The following DLG2 variants were observed in gnomAD, a reference collection of about 807,000 sequenced individuals.
DLG2 encodes the protein discs large MAGUK scaffold protein 2, also known as disks large homolog 2.
Under a neutral mutation model 132.5 loss-of-function variants are expected in DLG2, and 45 were observed. The observed-to-expected ratio is 0.34, with a 90% CI of 0.27 to 0.44. The LOEUF is 0.44. DLG2 is among the 20% of genes least tolerant of loss of function. The pLI is 1.00. For missense variants in DLG2, 1,045 were observed against 1,196.9 expected, an observed-to-expected ratio of 0.87 and a Z score of 1.87; for synonymous variants, 424 against 419.6, an observed-to-expected ratio of 1.01 and a Z score of -0.13.
intron 11 of DLG2, among the ~76,000 whole-genome samples, chr11:84,054,388 G>T (rs1470687317): frequency 2.6e-5 from 4 of 151,832 alleles, no homozygotes; most frequent in Non-Finnish European, 5.9e-5. Flanking sequence ...TTGATTTTTG[G>T]TTGCTTGGCA....
intron 6 of DLG2, among the ~76,000 whole-genome samples, chr11:84,801,526 A>G (rs375754745): frequency 4.5e-4 from 68 of 152,236 alleles, no homozygotes; most frequent in African/African-American, 1.6e-3. Context: ...GCACCACTGC[A>G]CTCCACCCTG....
intron 6 of DLG2, among the ~76,000 whole-genome samples, chr11:84,925,162 T>C (rs1367014500): frequency 6.6e-6 from 1 of 152,168 alleles, no homozygotes; most frequent in Non-Finnish European, 1.5e-5. Context: ...ATTTACCTAT[T>C]TTATTAATAT....
intron 7 of DLG2, among the ~76,000 whole-genome samples, chr11:84,269,763 A>G (rs577261671): frequency 6.0e-4 from 91 of 152,332 alleles, no homozygotes; most frequent in African/African-American, 2.0e-3. Flanking sequence ...CAAGATGAGC[A>G]TAAGAACTGT....
At chr11:84,991,742 A>G (rs1214170557) in intron 6 of DLG2, among the ~76,000 whole-genome samples, 1 of 152,086 alleles carries the variant, frequency 6.6e-6, no homozygotes, top group Non-Finnish European at 1.5e-5. Context: ...ATTGCGAAAA[A>G]CTGGGTGGAG....
chr11:85,465,606 T>C (rs2092762617), intron 3 of DLG2, among the ~76,000 whole-genome samples: 1 of 152,152 alleles, frequency 6.6e-6, no homozygotes, highest in African/African-American at 2.4e-5. Context: ...GTTTCCAGCT[T>C]CATCCATGTC....
chr11:84,637,864 A>G (rs537700054), intron 6 of DLG2, among the ~76,000 whole-genome samples: 5 of 152,292 alleles, frequency 3.3e-5, no homozygotes, highest in Admixed American at 2.6e-4. Flanking sequence ...TTCTTACAAG[A>G]TTTTCTAGCA....
At chr11:84,245,490 CT>C (rs1487960113) in intron 8 of DLG2, among the ~76,000 whole-genome samples, 1 of 152,134 alleles carries the variant, frequency 6.6e-6, no homozygotes, top group African/African-American at 2.4e-5. Flanking sequence ...TTTTCTTCTA[CT>C]TTTCTCTCTC....
intron 8 of DLG2, among the ~76,000 whole-genome samples, chr11:84,241,491 C>T (rs934377261): frequency 2.6e-5 from 4 of 152,034 alleles, no homozygotes; most frequent in Non-Finnish European, 5.9e-5. Context: ...ATAAGCAAGG[C>T]GTGTTTAACA....
At chr11:84,271,266 G>A (rs1316747132) in intron 7 of DLG2, among the ~76,000 whole-genome samples, 3 of 152,146 alleles carry the variant, frequency 2.0e-5, no homozygotes, top group Non-Finnish European at 4.4e-5. Context: ...AAGATTTAGA[G>A]CAGTCAAAAC....
chr11:85,356,163 C>T (rs985280018), intron 3 of DLG2, among the ~76,000 whole-genome samples: 6 of 152,148 alleles, frequency 3.9e-5, no homozygotes, highest in Non-Finnish European at 8.8e-5. Context: ...CCATTTGTTG[C>T]CTTTTTCTGG....
At chr11:84,296,752 T>TGA (rs945581662) in intron 7 of DLG2, among the ~76,000 whole-genome samples, 17 of 151,200 alleles carry the variant, frequency 1.1e-4, no homozygotes, top group Non-Finnish European at 1.5e-4. Context: ...TATTTCAACT[T>TGA]GAGAGAGAGA....
chr11:84,090,328 C>G (rs1237806356), intron 10 of DLG2, among the ~76,000 whole-genome samples: 4 of 148,216 alleles, frequency 2.7e-5, no homozygotes, highest in African/African-American at 1.0e-4. Context: ...GCAGGAGAAT[C>G]GCTTGAACCC....
chr11:84,274,484 A>T (rs566246259), intron 7 of DLG2, among the ~76,000 whole-genome samples: 1 of 152,336 alleles, frequency 6.6e-6, no homozygotes, highest in South Asian at 2.1e-4. Flanking sequence ...AAACAGTTTG[A>T]TAACATACAC....
At chr11:85,407,435 A>G (rs902621478) in intron 3 of DLG2, among the ~76,000 whole-genome samples, 18 of 151,852 alleles carry the variant, frequency 1.2e-4, no homozygotes, top group Admixed American at 5.9e-4. Flanking sequence ...ACCCAAGCCT[A>G]AATTTCTTCC....
At chr11:85,006,891 A>G (rs573664193) in intron 6 of DLG2, among the ~76,000 whole-genome samples, 65 of 152,224 alleles carry the variant, frequency 4.3e-4, no homozygotes, top group African/African-American at 1.5e-3. Flanking sequence ...CCCTCTAAAT[A>G]TATTTCTATT....
Position 83,484,229 on chromosome 11 carries a change from C to G in DLG2, c.2194-1G>C. 1 of 1,611,632 alleles carries G rather than the reference C, an allele frequency of 6.2e-7. No homozygotes were observed. The highest frequency in any genetic ancestry group is 8.5e-7 in the Non-Finnish European group (1 of 1,178,602). On this transcript the variant is annotated splice_acceptor_variant, in intron 21 of 27. Transcript: ENST00000376104. LOFTEE classifies it high-confidence loss of function. ...TCTTTTTACGCTTGTCATTGAATGACTGTGAAGGAGAAAAGGCATGGGGCA... is the reference window on the plus strand; with the variant it reads ...TCTTTTTACGCTTGTCATTGAATGAGTGTGAAGGAGAAAAGGCATGGGGCA...
At chr11:84,512,624 G>C (rs1277576673) in intron 7 of DLG2, among the ~76,000 whole-genome samples, 1 of 151,690 alleles carries the variant, frequency 6.6e-6, no homozygotes, top group Non-Finnish European at 1.5e-5. Flanking sequence ...AAGCAAAAGA[G>C]AAAATACACA....
Position 83,461,696 on chromosome 11 carries a change from A to G in DLG2, c.2821+306T>C, listed in dbSNP as rs2090060924. 2 of 267,328 alleles carry G rather than the reference A, an allele frequency of 7.5e-6. 1 individual carries two copies. The highest frequency in any genetic ancestry group is 1.7e-4 in the South Asian group (2 of 11,558). The allele number at this position is 267,328 out of a possible 1,614,324, so 16.6% of individuals were successfully genotyped here. ...TCTGATGATATCAGGGAGATAGTTTAATGAGGTAGCAATGCCTCAAATCCT... is the reference window on the plus strand; with the variant it reads ...TCTGATGATATCAGGGAGATAGTTTGATGAGGTAGCAATGCCTCAAATCCT... On this transcript the variant is annotated intron_variant, in intron 27 of 27. Coordinates refer to ENST00000376104, the MANE Select transcript of DLG2 (RefSeq NM_001142699.3).
At chr11:83,483,346 C>T (rs374098835) in intron 22 of DLG2, 32 of 1,478,674 alleles carry the variant, frequency 2.2e-5, no homozygotes, top group South Asian at 2.3e-5. Flanking sequence ...AGAACAGCCA[C>T]GGAAGAGGAA....
Sources: gnomAD v4.1 joint callset for allele counts (sites outside exome capture counted in the v4.1 genomes callset) on GRCh38, gnomAD v4.1.1 for gene constraint, MANE v1.5 for transcripts, NCBI Gene and HGNC (gene_info 2026-07-23, HGNC 2026-07-21) for gene names.